The following PDLIM5 variants were observed in gnomAD, a reference collection of about 807,000 sequenced individuals.
PDLIM5 encodes the protein PDZ and LIM domain 5.
A neutral mutation model predicts 64.2 loss-of-function variants in PDLIM5; 34 were observed. The observed-to-expected ratio is 0.53, with a 90% confidence interval of 0.40 to 0.71. The LOEUF (loss-of-function observed/expected upper bound fraction) is 0.71. Among genes scored for constraint, PDLIM5 ranks in the 30% least tolerant of loss-of-function variants. The pLI, the probability that PDLIM5 is intolerant of heterozygous loss-of-function variation, is 0.00. For missense variants in PDLIM5, 683 were observed against 733.6 expected, an observed-to-expected ratio of 0.93 and a Z score of 0.80; for synonymous variants, 253 against 269.1, an observed-to-expected ratio of 0.94 and a Z score of 0.59.
At chr4:94,527,202 A>G (rs1429839021) in intron 3 of PDLIM5, among the ~76,000 whole-genome samples, 1 of 151,564 alleles carries the variant, frequency 6.6e-6, no homozygotes, top group Non-Finnish European at 1.5e-5. Context: ...GACTAAAGGC[A>G]CGCATCACCA....
intron 9 of PDLIM5, among the ~76,000 whole-genome samples, chr4:94,650,977 C>T (rs1212224148): frequency 6.6e-6 from 1 of 152,132 alleles, no homozygotes; most frequent in East Asian, 1.9e-4. Context: ...ACATCGAATA[C>T]TAGAAGAGAT....
chr4:94,640,557 T>C (rs1279516843), intron 9 of PDLIM5, 107 bp downstream of exon 9: 1 of 686,326 alleles, frequency 1.5e-6, no homozygotes, highest in Non-Finnish European at 2.5e-6. Flanking sequence ...GAAAATATTC[T>C]TGCCATAATC....
chr4:94,552,238 C>CT (rs1260777663), intron 3 of PDLIM5, among the ~76,000 whole-genome samples: 21 of 152,042 alleles, frequency 1.4e-4, no homozygotes, highest in Admixed American at 1.3e-3. Context: ...CTTTCTAAGT[C>CT]TTTTATTCCA....
Position 94,585,076 on chromosome 4 carries a change from A to G in PDLIM5, c.711-489A>G. The G allele has an allele frequency of 1.0e-5, 8 of 787,906 alleles. 1 individual carries two copies. The South Asian group carries it at 1.3e-4, about 13-fold the overall frequency. The allele number at this position is 787,906 out of a possible 1,614,324, so 48.8% of individuals were successfully genotyped here. A position where few individuals can be genotyped will look rare whatever the true frequency, so the allele number is the denominator to read the frequency against. ...ATTATAAGTGCAGTTTTTTACTTAT[A>G]ATTTAAAAGGTTTTTTTGTTTTGTT... On this transcript the variant is annotated intron_variant, in intron 5 of 12. Transcript: ENST00000317968.
chr4:94,576,680 TG>T (rs1735292844), intron 5 of PDLIM5, among the ~76,000 whole-genome samples: 1 of 152,270 alleles, frequency 6.6e-6, no homozygotes, highest in African/African-American at 2.4e-5. Flanking sequence ...AAACGTTTTC[TG>T]AAATGAGTAA....
At chr4:94,619,416 G>A (rs1162417243) in intron 8 of PDLIM5, among the ~76,000 whole-genome samples, 4 of 150,912 alleles carry the variant, frequency 2.7e-5, no homozygotes, top group South Asian at 2.1e-4. Flanking sequence ...CGAGGCCGGC[G>A]GATCACGAGG....
rs115018620 is a variant in PDLIM5 at position 94,618,054 on chromosome 4, G to A, written c.971G>A (p.Arg324Gln). Residue 324 changes from arginine to glutamine, a missense_variant, in exon 8 of 13, where the codon CGG becomes CAG. Transcript: ENST00000317968. ...PQLASSVAST[R>Q]SMPESLDSPT... ...TTGGCTTCCTCGGTAGCTTCCACAC[G>A]GAGCATGCCCGAGAGCCTGGACAGC... The A allele has an allele frequency of 1.4e-5, 22 of 1,605,342 alleles. No homozygotes were observed. In the East Asian group the frequency reaches 3.2e-4, roughly 23 times the overall value.
chr4:94,620,176 C>T (rs1247750104), intron 8 of PDLIM5, among the ~76,000 whole-genome samples: 2 of 152,154 alleles, frequency 1.3e-5, no homozygotes, highest in Non-Finnish European at 2.9e-5. Flanking sequence ...GAATGTACTT[C>T]TTCACCTAGC....
At chr4:94,587,897 C>A (rs1357896351) in intron 7 of PDLIM5, 1 of 902,782 alleles carries the variant, frequency 1.1e-6, no homozygotes, top group Non-Finnish European at 1.3e-6. Context: ...AAATAAATTA[C>A]AATATGAATG....
chr4:94,500,577 G>A (rs965010319), intron 2 of PDLIM5, among the ~76,000 whole-genome samples: 10 of 151,818 alleles, frequency 6.6e-5, no homozygotes, highest in Admixed American at 3.3e-4. Flanking sequence ...TGAGAATTCC[G>A]GTCTTTATTT....
At chr4:94,474,103 C>T (rs72876204) in intron 2 of PDLIM5, among the ~76,000 whole-genome samples, 2,953 of 152,232 alleles carry the variant, frequency 0.019, 74 homozygotes, top group African/African-American at 0.061. Flanking sequence ...GGCATATTAG[C>T]ATGTTGAATG....
chr4:94,564,846 C>T (rs112418910), intron 3 of PDLIM5, among the ~76,000 whole-genome samples: 8,416 of 151,502 alleles, frequency 0.056, 778 homozygotes, highest in African/African-American at 0.19. Flanking sequence ...TTAGTAGAGA[C>T]GGGGTTTCAC....
At chr4:94,498,449 G>A (rs897016995) in intron 2 of PDLIM5, among the ~76,000 whole-genome samples, 2 of 151,958 alleles carry the variant, frequency 1.3e-5, no homozygotes, top group African/African-American at 4.8e-5. Context: ...TAACCTGGTT[G>A]ACTCCTAGAC....
At chr4:94,553,126 A>T (rs1287289517) in intron 3 of PDLIM5, among the ~76,000 whole-genome samples, 2 of 151,876 alleles carry the variant, frequency 1.3e-5, no homozygotes, top group Admixed American at 1.3e-4. Flanking sequence ...CAGTTTTATT[A>T]TTATTATTAT....
chr4:94,543,858 G>A (rs1485197540), intron 3 of PDLIM5, among the ~76,000 whole-genome samples: 2 of 146,748 alleles, frequency 1.4e-5, no homozygotes, highest in Non-Finnish European at 3.0e-5. Context: ...TGCATTTATT[G>A]ATGGACACTT....
At chr4:94,525,187 G>T (rs776221211) in intron 3 of PDLIM5, among the ~76,000 whole-genome samples, 4 of 152,218 alleles carry the variant, frequency 2.6e-5, no homozygotes, top group Non-Finnish European at 4.4e-5. Flanking sequence ...GGGAGGCTGA[G>T]GTGGGTGGAT....
chr4:94,508,961 G>C (rs1728632602), intron 2 of PDLIM5, among the ~76,000 whole-genome samples: 1 of 152,002 alleles, frequency 6.6e-6, no homozygotes, highest in South Asian at 2.1e-4. Context: ...CATGTTTTTT[G>C]TTTTTGCTTG....
intron 9 of PDLIM5, among the ~76,000 whole-genome samples, chr4:94,642,789 C>T (rs1487200182): frequency 6.6e-6 from 1 of 152,122 alleles, no homozygotes; most frequent in Non-Finnish European, 1.5e-5. Flanking sequence ...AGCAAGAAGA[C>T]TTTAGATCAA....
chr4:94,471,489 T>C (rs1229300995), intron 2 of PDLIM5, among the ~76,000 whole-genome samples: 1 of 152,188 alleles, frequency 6.6e-6, no homozygotes, highest in Non-Finnish European at 1.5e-5. Context: ...GTACTGTATT[T>C]TTCTTGCTTT....
Sources: allele counts gnomAD v4.1 joint callset (sites outside exome capture counted in the v4.1 genomes callset), GRCh38; gene constraint gnomAD v4.1.1; transcripts MANE v1.5; gene names NCBI Gene and HGNC (gene_info 2026-07-23, HGNC 2026-07-21).